Variants in LYPLAL1 observed in about 807,000 individuals in gnomAD.
LYPLAL1 encodes the protein lysophospholipase like 1, also known as lysophospholipase-like protein 1.
Under a neutral mutation model 19.7 loss-of-function variants are expected in LYPLAL1, and 23 were observed. The ratio of observed to expected loss-of-function variants is 1.17; its 90% CI spans 0.84 to 1.65. The LOEUF (loss-of-function observed/expected upper bound fraction) is 1.65. Among genes scored for constraint, LYPLAL1 ranks in the 40% most tolerant of loss-of-function variants. The pLI is 0.00. For synonymous variants in LYPLAL1, 119 were observed against 96.3 expected (o/e 1.24, Z -1.38); for missense variants, 355 against 279.4 (o/e 1.27, Z -1.93).
At chr1:219,223,715 G>T in the LYPLAL1 span, among the ~76,000 whole-genome samples, 3 of 152,052 alleles carry the variant, frequency 2.0e-5, no homozygotes, top group African/African-American at 7.2e-5. Flanking sequence ...CCAATAGTTT[G>T]GTTCAGAGCT....
the LYPLAL1 span, among the ~76,000 whole-genome samples, chr1:219,299,512 G>GT: frequency 6.6e-6 from 1 of 152,132 alleles, no homozygotes; most frequent in Non-Finnish European, 1.5e-5. Flanking sequence ...AGCCTAATAG[G>GT]TAACGGGGTG....
the LYPLAL1 span, among the ~76,000 whole-genome samples, chr1:219,359,044 A>G: frequency 6.6e-6 from 1 of 151,426 alleles, no homozygotes; most frequent in Non-Finnish European, 1.5e-5. Context: ...AGACAACACT[A>G]CAAACTCTAT....
intron 3 of LYPLAL1, among the ~76,000 whole-genome samples, chr1:219,207,783 C>A (rs1022434161): frequency 4.0e-5 from 6 of 151,880 alleles, no homozygotes; most frequent in African/African-American, 7.2e-5. Flanking sequence ...TAATAAAGAT[C>A]CATTTAATAA....
At chr1:219,257,693 A>C in the LYPLAL1 span, among the ~76,000 whole-genome samples, 6 of 152,066 alleles carry the variant, frequency 3.9e-5, no homozygotes, top group African/African-American at 1.4e-4. Context: ...TCACAAGGCA[A>C]AGAGCAAAAT....
At chr1:219,407,996 G>GCCT in the LYPLAL1 span, among the ~76,000 whole-genome samples, 1 of 152,074 alleles carries the variant, frequency 6.6e-6, no homozygotes, top group Admixed American at 6.5e-5. Flanking sequence ...CCTCCCAAAG[G>GCCT]CCTCACCTCC....
the LYPLAL1 span, among the ~76,000 whole-genome samples, chr1:219,235,653 A>G: frequency 1.3e-5 from 2 of 152,190 alleles, no homozygotes; most frequent in Admixed American, 1.3e-4. Flanking sequence ...CCTACTTCCT[A>G]CATGGTTTTC....
At chr1:219,301,112 G>A in the LYPLAL1 span, among the ~76,000 whole-genome samples, 1 of 151,792 alleles carries the variant, frequency 6.6e-6, no homozygotes, top group African/African-American at 2.4e-5. Context: ...AATCAAAATG[G>A]GTTGTCTTTT....
chr1:219,221,860 CTTATACT>C, the LYPLAL1 span, among the ~76,000 whole-genome samples: 4 of 152,284 alleles, frequency 2.6e-5, no homozygotes, highest in African/African-American at 9.6e-5. Flanking sequence ...ATCAACACCA[CTTATACT>C]TTCAGTAGTG....
At chr1:219,179,360 A>C in intron 2 of LYPLAL1, 114 bp downstream of exon 2, 1 of 775,488 alleles carries the variant, frequency 1.3e-6, no homozygotes, top group Non-Finnish European at 2.1e-6. Flanking sequence ...CATACTTTAA[A>C]TTAGAGTACT....
Position 219,211,490 on chromosome 1 carries a change from A to T in LYPLAL1, c.478-2A>T, listed in dbSNP as rs200260515. 6.4e-7 allele frequency: 1 copy of T among 1,553,136 alleles called. No homozygotes were observed. Among genetic ancestry groups the T allele is most frequent in the African/African-American group, 1.4e-5 (1 of 72,978 alleles). ...TTTCTGTCTTTGTATCTTCTTCTCT[A>T]GGCTCTTCAGAAGAGTAATGGTGTA... On this transcript the variant is annotated splice_acceptor_variant, in intron 4 of 4. Coordinates refer to ENST00000366928, the MANE Select transcript of LYPLAL1 (RefSeq NM_138794.5). LOFTEE classifies it high-confidence loss of function.
chr1:219,377,277 A>G, the LYPLAL1 span, among the ~76,000 whole-genome samples: 43 of 152,324 alleles, frequency 2.8e-4, no homozygotes, highest in South Asian at 6.2e-4. Context: ...CAAAGTATCT[A>G]GAGTACTCAA....
At chr1:219,287,063 GGTTA>G in the LYPLAL1 span, among the ~76,000 whole-genome samples, 1 of 152,136 alleles carries the variant, frequency 6.6e-6, no homozygotes, top group South Asian at 2.1e-4. Context: ...TACTCAGCTA[GGTTA>G]GTTCATCATT....
the LYPLAL1 span, among the ~76,000 whole-genome samples, chr1:219,383,728 T>G: frequency 5.9e-5 from 9 of 152,226 alleles, no homozygotes; most frequent in Non-Finnish European, 1.3e-4. Context: ...CTGTCTCAAC[T>G]TTCATAGTAG....
At chr1:219,255,189 G>A in the LYPLAL1 span, among the ~76,000 whole-genome samples, 809 of 151,766 alleles carry the variant, frequency 5.3e-3, 9 homozygotes, top group African/African-American at 0.018. Flanking sequence ...AATTTGGGGA[G>A]AATTGACATT....
chr1:219,293,992 G>A, the LYPLAL1 span, among the ~76,000 whole-genome samples: 2 of 152,120 alleles, frequency 1.3e-5, no homozygotes, highest in African/African-American at 4.8e-5. Context: ...ACTAATTCCT[G>A]GGGAAACATC....
chr1:219,265,181 ACT>A, the LYPLAL1 span, among the ~76,000 whole-genome samples: 1 of 152,096 alleles, frequency 6.6e-6, no homozygotes, highest in Non-Finnish European at 1.5e-5. Flanking sequence ...TATATATAGC[ACT>A]CTCTATAATT....
chr1:219,178,754 G>A (rs1386985540), intron 1 of LYPLAL1, among the ~76,000 whole-genome samples: 1 of 151,728 alleles, frequency 6.6e-6, no homozygotes, highest in Non-Finnish European at 1.5e-5. Context: ...AGTCACTTTA[G>A]GAATTTATTA....
the LYPLAL1 span, among the ~76,000 whole-genome samples, chr1:219,240,987 G>A: frequency 6.6e-6 from 1 of 151,104 alleles, no homozygotes. Flanking sequence ...CTTGAGCCCA[G>A]GGGTTCAAGG....
chr1:219,210,714 A>G (rs1314032507), intron 4 of LYPLAL1, 67 bp downstream of exon 4: 1 of 1,437,628 alleles, frequency 7.0e-7, no homozygotes, highest in East Asian at 2.5e-5. Flanking sequence ...CTAAAGCAAA[A>G]TCGGTAATAA....
Sources: gnomAD v4.1 joint callset for allele counts (sites outside exome capture counted in the v4.1 genomes callset) on GRCh38, gnomAD v4.1.1 for gene constraint, MANE v1.5 for transcripts, NCBI Gene and HGNC (gene_info 2026-07-23, HGNC 2026-07-21) for gene names.